FARSB: variants seen among roughly 807,000 people sequenced by gnomAD.
FARSB encodes phenylalanyl-tRNA synthetase subunit beta.
In FARSB, 40 loss-of-function variants were observed where a neutral mutation model predicts 69.6. That is an observed-to-expected ratio of 0.57 (90% CI 0.45 to 0.75). FARSB has a LOEUF of 0.75. Among genes scored for constraint, FARSB ranks in the 30% least tolerant of loss-of-function variants. The pLI is 0.00. For synonymous variants in FARSB, 235 were observed against 247.2 expected, an observed-to-expected ratio of 0.95 and a Z score of 0.46; for missense variants, 632 against 722.9, an observed-to-expected ratio of 0.87 and a Z score of 1.44.
intron 16 of FARSB, among the ~76,000 whole-genome samples, chr2:222,594,128 C>CATGGTG (rs1285702767): frequency 1.5e-5 from 2 of 137,574 alleles, no homozygotes; most frequent in African/African-American, 5.4e-5. Flanking sequence ...AAGAGCTGAG[C>CATGGTG]ATGGTGGCAT....
rs370543898 is a variant in FARSB, at chr2:222,653,211, C to T, written c.58+2805G>A. Among the ~76,000 whole-genome samples, 151 of 152,242 alleles carry T rather than the reference C, an allele frequency of 9.9e-4. 2 individuals are homozygous for T. The South Asian group carries it at 0.031, about 31-fold the overall frequency. On this transcript the variant is annotated intron_variant, in intron 1 of 16. Coordinates refer to ENST00000281828, the MANE Select transcript of FARSB (RefSeq NM_005687.5). Reference sequence around the variant, plus strand: ...GTAGACTAAGGAGACAAAACTGCTCCAAAGGAGTCAGAAGAGCAAAATAAC... The same window carrying T: ...GTAGACTAAGGAGACAAAACTGCTCTAAAGGAGTCAGAAGAGCAAAATAAC...
intron 16 of FARSB, among the ~76,000 whole-genome samples, chr2:222,578,623 G>A (rs1689891908): frequency 6.6e-6 from 1 of 152,096 alleles, no homozygotes; most frequent in Admixed American, 6.5e-5. Context: ...AAGATCACGA[G>A]GTCAGGAGAT....
At chr2:222,622,540 T>C (rs1691165024) in intron 13 of FARSB, among the ~76,000 whole-genome samples, 1 of 152,214 alleles carries the variant, frequency 6.6e-6, no homozygotes, top group African/African-American at 2.4e-5. Context: ...AAATATATTT[T>C]TCAATGTTAT....
At chr2:222,623,822 T>A (rs552381608) in intron 12 of FARSB, 92 bp from the exon 13 acceptor site, 34 of 789,798 alleles carry the variant, frequency 4.3e-5, no homozygotes, top group Non-Finnish European at 6.0e-5. Flanking sequence ...AAAACTTTTT[T>A]AAATAAAAAT....
At position 222,639,591 on chromosome 2, in the gene FARSB, C is replaced by A; in HGVS notation, c.444G>T (p.Gln148His). Reference protein sequence around the residue: ...SFIELQEKLHQNICRKRALVA... With the variant: ...SFIELQEKLHHNICRKRALVA... ...ATGCAACCACAAACCTGCAAATATT[C>A]TGATGTAATTTCTCCTGAAGTTCAA... Residue 148 changes from glutamine to histidine, a missense_variant, in exon 5 of 17, where the codon CAG becomes CAT. Transcript: ENST00000281828. 1 of 1,544,152 alleles carries A rather than the reference C, an allele frequency of 6.5e-7. No individual in the cohort carries two copies. The highest frequency in any genetic ancestry group is 8.9e-7 in the Non-Finnish European group (1 of 1,127,100).
chr2:222,654,595 T>C (rs1458136998), intron 1 of FARSB, among the ~76,000 whole-genome samples: 1 of 152,144 alleles, frequency 6.6e-6, no homozygotes, highest in African/African-American at 2.4e-5. Flanking sequence ...CATTATAAAA[T>C]AAAGCGATTA....
intron 15 of FARSB, among the ~76,000 whole-genome samples, chr2:222,605,670 T>G (rs1341796941): frequency 1.3e-5 from 2 of 152,118 alleles, no homozygotes; most frequent in Non-Finnish European, 2.9e-5. Flanking sequence ...GTAATCCCAG[T>G]ACTTTAGAAG....
intron 13 of FARSB, among the ~76,000 whole-genome samples, chr2:222,622,037 A>C (rs562178214): frequency 6.6e-6 from 1 of 152,368 alleles, no homozygotes; most frequent in South Asian, 2.1e-4. Flanking sequence ...TTGGATGCAG[A>C]CAGGCATGGG....
At chr2:222,626,126 G>A (rs1013478577) in intron 10 of FARSB, among the ~76,000 whole-genome samples, 17 of 151,292 alleles carry the variant, frequency 1.1e-4, no homozygotes, top group Non-Finnish European at 2.1e-4. Flanking sequence ...GCACAAGCCT[G>A]TAATCCCAGC....
At chr2:222,572,552 G>A (rs575185231) in intron 16 of FARSB, among the ~76,000 whole-genome samples, 13 of 152,206 alleles carry the variant, frequency 8.5e-5, no homozygotes, top group African/African-American at 2.6e-4. Context: ...GTCATAGGCC[G>A]GCTACTGGGG....
chr2:222,620,977 C>T (rs1379366901), intron 13 of FARSB, among the ~76,000 whole-genome samples: 2 of 152,238 alleles, frequency 1.3e-5, no homozygotes, highest in African/African-American at 2.4e-5. Flanking sequence ...GGATCTGCTA[C>T]AGCTGCTGAG....
At chr2:222,592,437 T>A (rs1276699017) in intron 16 of FARSB, among the ~76,000 whole-genome samples, 1 of 152,054 alleles carries the variant, frequency 6.6e-6, no homozygotes, top group Non-Finnish European at 1.5e-5. Context: ...AGCACACAAA[T>A]GTGCCAAAAC....
At chr2:222,643,873 C>T (rs1382612925) in intron 2 of FARSB, among the ~76,000 whole-genome samples, 1 of 152,204 alleles carries the variant, frequency 6.6e-6, no homozygotes, top group Admixed American at 6.5e-5. Flanking sequence ...AACAGATTTT[C>T]TTAAACATAA....
At chr2:222,596,707 T>C (rs1301392804) in intron 16 of FARSB, among the ~76,000 whole-genome samples, 2 of 152,140 alleles carry the variant, frequency 1.3e-5, no homozygotes, top group Non-Finnish European at 1.5e-5. Context: ...CAGCTAAACA[T>C]GCCCCAGTAA....
chr2:222,579,282 G>A (rs537279987), intron 16 of FARSB, among the ~76,000 whole-genome samples: 16 of 152,186 alleles, frequency 1.1e-4, no homozygotes, highest in Non-Finnish European at 2.1e-4. Flanking sequence ...TGTCCATTTC[G>A]TGTTTACAAA....
intron 15 of FARSB, among the ~76,000 whole-genome samples, chr2:222,609,024 C>T (rs1690775595): frequency 6.6e-6 from 1 of 152,186 alleles, no homozygotes; most frequent in Non-Finnish European, 1.5e-5. Context: ...AAATCTAAAT[C>T]ACCCTCTTAC....
chr2:222,575,272 A>G (rs1045172450), intron 16 of FARSB, among the ~76,000 whole-genome samples: 8 of 152,264 alleles, frequency 5.3e-5, no homozygotes, highest in African/African-American at 1.9e-4. Context: ...ATCGAAATGG[A>G]ACAAAATATG....
chr2:222,610,790 T>A (rs979286151), intron 15 of FARSB, among the ~76,000 whole-genome samples: 1 of 152,182 alleles, frequency 6.6e-6, no homozygotes, highest in Non-Finnish European at 1.5e-5. Context: ...AACATATCAA[T>A]GAAATAAGTG....
chr2:222,624,805 C>A, intron 10 of FARSB, 30 bp from the exon 11 acceptor site: 1 of 1,362,352 alleles, frequency 7.3e-7, no homozygotes, highest in Non-Finnish European at 1.0e-6. Flanking sequence ...AAAAGTAAAT[C>A]ATTTCCCATC....
Sources: gnomAD v4.1 joint callset for allele counts (sites outside exome capture counted in the v4.1 genomes callset) on GRCh38, gnomAD v4.1.1 for gene constraint, MANE v1.5 for transcripts, NCBI Gene and HGNC (gene_info 2026-07-23, HGNC 2026-07-21) for gene names.